RABGAP1L: variants seen among roughly 807,000 people sequenced by gnomAD.
RABGAP1L encodes RAB GTPase activating protein 1 like.
RABGAP1L carries 63 observed loss-of-function variants against 137.7 expected under a neutral mutation model. The observed-to-expected ratio is 0.46, with a 90% CI of 0.37 to 0.56. The LOEUF (loss-of-function observed/expected upper bound fraction) is 0.56, where lower values mean the gene tolerates loss of function less well. Among genes scored for constraint, RABGAP1L ranks in the 20% least tolerant of loss-of-function variants. RABGAP1L has a pLI of 0.00. For missense variants in RABGAP1L, 1,095 were observed against 1,244.0 expected (o/e 0.88, Z 1.80); for synonymous variants, 431 against 433.7 (o/e 0.99, Z 0.08).
chr1:174,412,172 G>A (rs1238079780), intron 13 of RABGAP1L, among the ~76,000 whole-genome samples: 1 of 152,078 alleles, frequency 6.6e-6, no homozygotes, highest in Non-Finnish European at 1.5e-5. Flanking sequence ...ATATATTTAA[G>A]ATAGTTAAGT....
At chr1:174,735,597 A>G (rs1682862492) in intron 17 of RABGAP1L, among the ~76,000 whole-genome samples, 1 of 137,666 alleles carries the variant, frequency 7.3e-6, no homozygotes, top group South Asian at 2.6e-4. Context: ...GGGCAACAAG[A>G]GCAAAACTCC....
At chr1:174,468,426 A>G (rs1657539094) in intron 13 of RABGAP1L, among the ~76,000 whole-genome samples, 2 of 152,130 alleles carry the variant, frequency 1.3e-5, no homozygotes, top group South Asian at 2.1e-4. Flanking sequence ...ATAATAATTC[A>G]TCCTGATCAT....
chr1:174,612,424 T>G (rs1671346318), intron 13 of RABGAP1L, among the ~76,000 whole-genome samples: 1 of 152,260 alleles, frequency 6.6e-6, no homozygotes, highest in South Asian at 2.1e-4. Context: ...TCATGGTGGA[T>G]AAGCTTTTTG....
intron 5 of RABGAP1L, chr1:174,246,452 G>A (rs1028883658): frequency 6.6e-6 from 1 of 152,060 alleles, no homozygotes; most frequent in Non-Finnish European, 1.5e-5. Context: ...TGTACAGTTA[G>A]CCCACTATAT....
At chr1:174,605,794 G>T (rs1201493677) in intron 13 of RABGAP1L, among the ~76,000 whole-genome samples, 3 of 152,164 alleles carry the variant, frequency 2.0e-5, no homozygotes, top group Non-Finnish European at 4.4e-5. Flanking sequence ...AATTGATATG[G>T]ATGGACTGCC....
intron 18 of RABGAP1L, among the ~76,000 whole-genome samples, chr1:174,809,863 C>G (rs1344598755): frequency 1.3e-5 from 2 of 152,228 alleles, no homozygotes; most frequent in African/African-American, 2.4e-5. Flanking sequence ...TAGAGAGGCT[C>G]TCTCTCAGAC....
intron 11 of RABGAP1L, among the ~76,000 whole-genome samples, chr1:174,352,962 T>C (rs890687073): frequency 6.6e-6 from 1 of 152,154 alleles, no homozygotes; most frequent in African/African-American, 2.4e-5. Flanking sequence ...AGCTACCTGG[T>C]GTTTGGGGAG....
chr1:174,206,491 A>G (rs762437413), intron 1 of RABGAP1L, among the ~76,000 whole-genome samples: 3 of 152,208 alleles, frequency 2.0e-5, no homozygotes, highest in Non-Finnish European at 4.4e-5. Flanking sequence ...AGTGTAAGTT[A>G]AGAATAGTTC....
intron 7 of RABGAP1L, among the ~76,000 whole-genome samples, chr1:174,260,717 T>C (rs1293422636): frequency 6.6e-6 from 1 of 152,236 alleles, no homozygotes; most frequent in African/African-American, 2.4e-5. Context: ...CATTGATATG[T>C]ATTTTTAAAG....
intron 17 of RABGAP1L, among the ~76,000 whole-genome samples, chr1:174,707,273 T>C (rs1680126999): frequency 6.7e-6 from 1 of 149,738 alleles, no homozygotes; most frequent in African/African-American, 2.5e-5. Context: ...AGATAATGGG[T>C]CAGATAAGAG....
At chr1:174,310,587 A>G (rs753364127) in intron 11 of RABGAP1L, among the ~76,000 whole-genome samples, 1 of 152,172 alleles carries the variant, frequency 6.6e-6, no homozygotes, top group Non-Finnish European at 1.5e-5. Context: ...CTTCAGATCT[A>G]TTAATGTCTG....
intron 19 of RABGAP1L, among the ~76,000 whole-genome samples, chr1:174,947,905 C>A (rs1488175599): frequency 6.6e-6 from 1 of 152,162 alleles, no homozygotes; most frequent in South Asian, 2.1e-4. Flanking sequence ...CCTGATCTTA[C>A]AAATTTCTTC....
chr1:174,721,421 T>A (rs988657201), intron 17 of RABGAP1L, among the ~76,000 whole-genome samples: 23 of 152,204 alleles, frequency 1.5e-4, no homozygotes, highest in Non-Finnish European at 3.2e-4. Context: ...TTGTTTTTAG[T>A]GTTTATTTTG....
At chr1:174,483,516 A>G (rs1409114732) in intron 13 of RABGAP1L, among the ~76,000 whole-genome samples, 1 of 152,146 alleles carries the variant, frequency 6.6e-6, no homozygotes, top group Non-Finnish European at 1.5e-5. Context: ...TATGTACCAC[A>G]TTTTATTTAT....
At chr1:174,628,916 T>C (rs1673115663) in intron 13 of RABGAP1L, among the ~76,000 whole-genome samples, 2 of 152,186 alleles carry the variant, frequency 1.3e-5, no homozygotes, top group Non-Finnish European at 2.9e-5. Context: ...TAAAATGTTT[T>C]CAGCCATATA....
At position 174,221,059 on chromosome 1, in the gene RABGAP1L, G is replaced by T. The variant is rs1238300121; in HGVS notation, c.226G>T (p.Asp76Tyr). The T allele has an allele frequency of 1.2e-6, 2 of 1,613,938 alleles. No homozygotes were observed. The highest frequency in any genetic ancestry group is 1.1e-5 in the South Asian group (1 of 91,068). ...GAAAAGGCCAAGCAGTCTTCTTGTTGATTGTCAAAGTTCCAGTGAGATTTC... is the reference window on the plus strand; with the variant it reads ...GAAAAGGCCAAGCAGTCTTCTTGTTTATTGTCAAAGTTCCAGTGAGATTTC... Reference protein sequence around the residue: ...SEKRPSSLLVDCQSSSEISDH... With the variant: ...SEKRPSSLLVYCQSSSEISDH... The change falls in exon 3 of 26, where the codon GAT becomes TAT. Residue 76 changes from aspartate (D) to tyrosine (Y), a missense_variant. Physicochemically the swap from Asp to Tyr is radical, Grantham distance 160. Around this residue, in one of 4 missense-constraint regions of RABGAP1L, gnomAD observed 356 missense variants for 326.3 expected, o/e 1.09. Coordinates refer to ENST00000681986, the MANE Select transcript of RABGAP1L (RefSeq NM_001366446.1).
At chr1:174,667,977 C>G (rs1358347192) in intron 14 of RABGAP1L, among the ~76,000 whole-genome samples, 1 of 152,148 alleles carries the variant, frequency 6.6e-6, no homozygotes, top group Non-Finnish European at 1.5e-5. Flanking sequence ...GGAGCACAGG[C>G]AGAAAAGTAG....
intron 13 of RABGAP1L, among the ~76,000 whole-genome samples, chr1:174,472,599 T>G (rs1457736315): frequency 1.3e-5 from 2 of 152,320 alleles, no homozygotes; most frequent in East Asian, 3.9e-4. Context: ...CTTCTCCCAG[T>G]TAAGTTGCAC....
chr1:174,372,318 C>T (rs1260576304), intron 12 of RABGAP1L, among the ~76,000 whole-genome samples: 1 of 151,960 alleles, frequency 6.6e-6, no homozygotes, highest in Non-Finnish European at 1.5e-5. Flanking sequence ...GGCAGAGGCA[C>T]AGGAGTTTTT....
Sources: gnomAD v4.1 joint callset for allele counts (sites outside exome capture counted in the v4.1 genomes callset) on GRCh38, gnomAD v4.1.1 for gene constraint, gnomAD v4.1.1 regional missense constraint, MANE v1.5 for transcripts, NCBI Gene and HGNC (gene_info 2026-07-23, HGNC 2026-07-21) for gene names.